Variants in SART3 observed in about 807,000 individuals in gnomAD.
SART3 encodes the protein spliceosome associated factor 3, U4/U6 recycling protein.
In SART3, 44 loss-of-function variants were observed where a neutral mutation model predicts 122.3. That is an observed-to-expected ratio of 0.36 (90% CI 0.28 to 0.46). The LOEUF is 0.46. Ranked by LOEUF, SART3 falls within the 20% of genes least tolerant of loss-of-function variation. The pLI is 1.00. For missense variants in SART3, 1,101 were observed against 1,229.0 expected (o/e 0.90, Z 1.56); for synonymous variants, 442 against 454.0 (o/e 0.97, Z 0.34).
At chr12:108,546,669 C>T (rs1873435911) in intron 3 of SART3, among the ~76,000 whole-genome samples, 1 of 151,940 alleles carries the variant, frequency 6.6e-6, no homozygotes, top group Admixed American at 6.6e-5. Context: ...TACAGGCCTG[C>T]ATGCCACCCC....
intron 7 of SART3, among the ~76,000 whole-genome samples, chr12:108,538,641 ATCTG>A (rs775897217): frequency 1.3e-4 from 20 of 152,306 alleles, no homozygotes; most frequent in Non-Finnish European, 2.1e-4. Context: ...CATTTTACTG[ATCTG>A]TCTACTTTTA....
In SART3 at chr12:108,561,040, A is replaced by G. The variant is rs1391071973; in HGVS notation, c.115T>C (p.Leu39=). ...GTCGCAGCGGCCACAGCCCGCGATAACACCTTCCTCCTTGTCCTAGCCGCC... is the reference window on the plus strand; with the variant it reads ...GTCGCAGCGGCCACAGCCCGCGATAGCACCTTCCTCCTTGTCCTAGCCGCC... The part of the protein sequence containing the change: ...VKAARTRRKV[L]SRAVAAATYK... The change falls in exon 1 of 19, where the codon TTA becomes CTA. Residue 39 remains leucine, a synonymous_variant. Transcript: ENST00000546815. 6 of 1,614,110 alleles carry G rather than the reference A, an allele frequency of 3.7e-6. No homozygotes were observed. In the African/African-American group the frequency reaches 4.0e-5, roughly 11 times the overall value.
At chr12:108,546,050 A>AG (rs1873402817) in intron 3 of SART3, among the ~76,000 whole-genome samples, 1 of 152,138 alleles carries the variant, frequency 6.6e-6, no homozygotes, top group Non-Finnish European at 1.5e-5. Flanking sequence ...ATTATAAACC[A>AG]AAAAACTGTG....
chr12:108,551,637 C>T (rs954558420), intron 1 of SART3, among the ~76,000 whole-genome samples: 9 of 152,036 alleles, frequency 5.9e-5, no homozygotes, highest in African/African-American at 2.2e-4. Flanking sequence ...GAACAGCCCA[C>T]CCAACAATAC....
intron 1 of SART3, chr12:108,554,110 A>C (rs2030118205): frequency 6.9e-6 from 1 of 145,440 alleles, no homozygotes; most frequent in African/African-American, 2.5e-5. Context: ...TCAGGTATAA[A>C]CTTCACTTCC....
chr12:108,524,422 T>C lies in SART3; in HGVS notation c.2608A>G (p.Ile870Val), dbSNP rs779484692. Reference protein sequence around the residue: ...KMDGMTIKENIIKVAISNPPQ... With the variant: ...KMDGMTIKENVIKVAISNPPQ... ...GGGTTGCTGATTGCCACTTTGATGA[T>C]GTTCTCTTTGATAGTCATGCCGTCC... Residue 870 changes from isoleucine (I) to valine (V), a missense_variant, in exon 18 of 19, where the codon ATC (isoleucine) becomes GTC (valine). Ile to Val is a conservative substitution (Grantham distance 29). Coordinates refer to ENST00000546815, the MANE Select transcript of SART3 (RefSeq NM_014706.4). The C allele has an allele frequency of 1.2e-6, 2 of 1,614,184 alleles. No homozygotes were observed. Among genetic ancestry groups the C allele is most frequent in the Non-Finnish European group, 1.7e-6 (2 of 1,179,976 alleles).
chr12:108,535,279 G>T, intron 12 of SART3, 80 bp downstream of exon 12: 1 of 1,100,030 alleles, frequency 9.1e-7, no homozygotes. Flanking sequence ...GCTAGTCCAA[G>T]CTGGTAGGAG....
chr12:108,535,210 T>C, intron 12 of SART3, 149 bp downstream of exon 12: 1 of 714,150 alleles, frequency 1.4e-6, no homozygotes, highest in Non-Finnish European at 2.6e-6. Context: ...CCCTGCCCAT[T>C]AAAAATGTAC....
At chr12:108,551,914 C>A (rs569991153) in intron 1 of SART3, among the ~76,000 whole-genome samples, 1 of 152,044 alleles carries the variant, frequency 6.6e-6, no homozygotes, top group Non-Finnish European at 1.5e-5. Context: ...AATGAAATTG[C>A]AACAAATCAA....
At chr12:108,553,267 C>T (rs190576398) in intron 1 of SART3, among the ~76,000 whole-genome samples, 4 of 152,220 alleles carry the variant, frequency 2.6e-5, no homozygotes, top group Non-Finnish European at 1.5e-5. Flanking sequence ...CATCAAGGAT[C>T]CTTAAGGTGA....
intron 1 of SART3, among the ~76,000 whole-genome samples, chr12:108,549,814 G>A (rs1312418566): frequency 5.9e-5 from 9 of 152,002 alleles, no homozygotes; most frequent in Middle Eastern, 3.4e-3. Flanking sequence ...TCAGGAGTTC[G>A]AGACCAGCCT....
chr12:108,560,781 G>C lies in SART3; in HGVS notation c.312+62C>G. The C allele has an allele frequency of 2.0e-6, 3 of 1,471,324 alleles. No homozygotes were observed. The South Asian group carries it at 3.9e-5, about 19-fold the overall frequency. 91.1% of individuals were successfully genotyped at this position (1,471,324 alleles called of 1,614,324 possible). A position where few individuals can be genotyped will look rare whatever the true frequency, so the allele number is the denominator to read the frequency against. On this transcript the variant is annotated intron_variant, in intron 1 of 18. Coordinates refer to ENST00000546815, the MANE Select transcript of SART3 (RefSeq NM_014706.4). ...CGCCGAGGACTAGGGAGGCGGGCCAGGACATGGGGACCCGAGGACCTGAAA... is the reference window on the plus strand; with the variant it reads ...CGCCGAGGACTAGGGAGGCGGGCCACGACATGGGGACCCGAGGACCTGAAA...
chr12:108,524,591 T>C (rs1363427942), intron 17 of SART3, 85 bp from the exon 18 acceptor site: 2 of 1,309,188 alleles, frequency 1.5e-6, no homozygotes, highest in Admixed American at 1.7e-5. Context: ...CTGGGCTTCC[T>C]CCCGGAGACC....
chr12:108,560,698 A>G (rs1310469243), intron 1 of SART3, 145 bp downstream of exon 1: 4 of 647,546 alleles, frequency 6.2e-6, no homozygotes, highest in South Asian at 2.2e-5. Context: ...TAAGCACTCA[A>G]ATCCGACAGG....
At chr12:108,551,597 C>T (rs1049671248) in intron 1 of SART3, among the ~76,000 whole-genome samples, 4 of 151,888 alleles carry the variant, frequency 2.6e-5, no homozygotes, top group Non-Finnish European at 5.9e-5. Flanking sequence ...TCAATAACGC[C>T]GTCAACGAAC....
rs1056366833 is a variant in SART3 at position 108,537,113 on chromosome 12, G to C, written c.1310-328C>G. On this transcript the variant is annotated intron_variant, in intron 9 of 18. Transcript: ENST00000546815. ...AGCTGACATGAGTGTGCAAGTACAA[G>C]TTAGGGGTTTTCTGGTTGTTTTCGG... 4.7e-5 allele frequency: 21 copies of C among 442,356 alleles called. No individual in the cohort carries two copies. The Admixed American group carries it at 7.1e-4, about 15-fold the overall frequency. 27.4% of individuals were successfully genotyped at this position (442,356 alleles called of 1,614,324 possible).
At chr12:108,541,647 C>T (rs1873166768) in intron 6 of SART3, among the ~76,000 whole-genome samples, 1 of 151,806 alleles carries the variant, frequency 6.6e-6, no homozygotes, top group Non-Finnish European at 1.5e-5. Context: ...CAAGCGATTC[C>T]CCTGCCTCAG....
chr12:108,524,810 A>C, intron 17 of SART3: 3 of 446,640 alleles, frequency 6.7e-6, no homozygotes, highest in Non-Finnish European at 8.3e-6. Flanking sequence ...ACCAGTATAA[A>C]TCCAGCAAAT....
intron 6 of SART3, among the ~76,000 whole-genome samples, chr12:108,540,573 T>TA (rs56122105): frequency 1.7e-4 from 24 of 141,276 alleles, no homozygotes; most frequent in African/African-American, 3.3e-4. Flanking sequence ...CAATTCCAAT[T>TA]AAAAAAAAAA....
Sources: gnomAD v4.1 joint callset for allele counts (sites outside exome capture counted in the v4.1 genomes callset) on GRCh38, gnomAD v4.1.1 for gene constraint, MANE v1.5 for transcripts, NCBI Gene and HGNC (gene_info 2026-07-23, HGNC 2026-07-21) for gene names.